TMEM132C: variants seen among roughly 807,000 people sequenced by gnomAD.
TMEM132C encodes the protein protein phosphatase 1, regulatory subunit 152.
TMEM132C carries 29 observed loss-of-function variants against 61.4 expected under a neutral mutation model. The observed-to-expected ratio is 0.47, with a 90% CI of 0.35 to 0.64. TMEM132C has a LOEUF of 0.64. Ranked by LOEUF, TMEM132C falls within the 30% of genes least tolerant of loss-of-function variation. TMEM132C has a pLI of 0.00. For synonymous variants in TMEM132C, 656 were observed against 633.1 expected, an observed-to-expected ratio of 1.04 and a Z score of -0.54; for missense variants, 1,408 against 1,476.9, an observed-to-expected ratio of 0.95 and a Z score of 0.76.
At chr12:128,618,949 A>G (rs1876901020) in intron 4 of TMEM132C, among the ~76,000 whole-genome samples, 1 of 152,218 alleles carries the variant, frequency 6.6e-6, no homozygotes, top group African/African-American at 2.4e-5. Context: ...AGATGAGGCA[A>G]TTTAGAGGGA....
intron 5 of TMEM132C, among the ~76,000 whole-genome samples, chr12:128,688,804 A>T (rs182814916): frequency 6.6e-6 from 1 of 152,264 alleles, no homozygotes; most frequent in Non-Finnish European, 1.5e-5. Flanking sequence ...AACTGTTTTA[A>T]AAAAATTGGG....
chr12:128,284,152 C>T (rs1004638480), intron 1 of TMEM132C, among the ~76,000 whole-genome samples: 8 of 152,286 alleles, frequency 5.3e-5, no homozygotes, highest in African/African-American at 1.9e-4. Context: ...ACTGACCAGC[C>T]ATTCCTAGGA....
chr12:128,659,910 A>G (rs1954368232), intron 4 of TMEM132C, among the ~76,000 whole-genome samples: 2 of 152,202 alleles, frequency 1.3e-5, no homozygotes, highest in African/African-American at 4.8e-5. Flanking sequence ...TGTCTTGTGC[A>G]AAGAGTAAGA....
intron 1 of TMEM132C, among the ~76,000 whole-genome samples, chr12:128,367,948 G>T (rs1268743693): frequency 6.6e-6 from 1 of 152,170 alleles, no homozygotes; most frequent in African/African-American, 2.4e-5. Flanking sequence ...AGTGGCGGCT[G>T]GTCTAGACCG....
intron 2 of TMEM132C, among the ~76,000 whole-genome samples, chr12:128,452,614 G>A (rs1870214586): frequency 6.6e-6 from 1 of 151,522 alleles, no homozygotes; most frequent in Non-Finnish European, 1.5e-5. Context: ...TGAGGTAGGA[G>A]AATCGCTTGA....
At chr12:128,495,614 G>A (rs1871920237) in intron 2 of TMEM132C, among the ~76,000 whole-genome samples, 1 of 152,010 alleles carries the variant, frequency 6.6e-6, no homozygotes, top group African/African-American at 2.4e-5. Context: ...TTTGATCTTT[G>A]TTGGTTTAAA....
At chr12:128,410,449 C>T (rs1182738550) in intron 1 of TMEM132C, among the ~76,000 whole-genome samples, 7 of 152,154 alleles carry the variant, frequency 4.6e-5, no homozygotes, top group Non-Finnish European at 5.9e-5. Flanking sequence ...TGTCTCCAGG[C>T]TAGAGTGCAG....
chr12:128,398,815 G>GTCCTCCTCCCGTCTTT (rs200124123), intron 1 of TMEM132C, among the ~76,000 whole-genome samples: 11,799 of 152,178 alleles, frequency 0.078, 1,590 homozygotes, highest in African/African-American at 0.27. Flanking sequence ...TTTTACTGTT[G>GTCCTCCTCCCGTCTTT]TCCTCCTCCT....
intron 2 of TMEM132C, among the ~76,000 whole-genome samples, chr12:128,429,751 G>A (rs1869321937): frequency 6.6e-6 from 1 of 152,150 alleles, no homozygotes; most frequent in African/African-American, 2.4e-5. Flanking sequence ...CAAAGATGGG[G>A]CTTACCTTGG....
At chr12:128,353,343 C>T (rs1226712764) in intron 1 of TMEM132C, among the ~76,000 whole-genome samples, 1 of 152,136 alleles carries the variant, frequency 6.6e-6, no homozygotes, top group Non-Finnish European at 1.5e-5. Context: ...TTCCTGCCAT[C>T]TAGGTTTGCA....
At chr12:128,666,025 G>GCA (rs61212712) in intron 4 of TMEM132C, among the ~76,000 whole-genome samples, 1 of 87,684 alleles carries the variant, frequency 1.1e-5, no homozygotes, top group Admixed American at 1.2e-4. Context: ...ATTCACAGGC[G>GCA]CACATTCACA....
At chr12:128,440,773 G>A (rs1453904932) in intron 2 of TMEM132C, among the ~76,000 whole-genome samples, 1 of 152,170 alleles carries the variant, frequency 6.6e-6, no homozygotes, top group East Asian at 1.9e-4. Context: ...GAACAGCCAG[G>A]CACGTTGGCT....
chr12:128,635,335 GA>G (rs1278747356), intron 4 of TMEM132C, among the ~76,000 whole-genome samples: 7 of 152,266 alleles, frequency 4.6e-5, no homozygotes, highest in African/African-American at 1.7e-4. Context: ...AAGTAAAAAT[GA>G]AAAGGAATTG....
At chr12:128,270,058 C>T (rs1320380677) in intron 1 of TMEM132C, among the ~76,000 whole-genome samples, 1 of 152,024 alleles carries the variant, frequency 6.6e-6, no homozygotes, top group African/African-American at 2.4e-5. Flanking sequence ...AGACTTGGGC[C>T]GAGGCAGGAG....
intron 4 of TMEM132C, among the ~76,000 whole-genome samples, chr12:128,648,955 G>A (rs898471801): frequency 1.3e-5 from 2 of 150,816 alleles, no homozygotes; most frequent in African/African-American, 5.0e-5. Flanking sequence ...GAGTCCATCA[G>A]CGTAGGATGT....
chr12:128,415,659 C>G lies in TMEM132C; in HGVS notation c.974+39C>G. 1 of 1,477,548 alleles carries G rather than the reference C, an allele frequency of 6.8e-7. No homozygotes were observed. The highest frequency in any genetic ancestry group is 9.0e-7 in the Non-Finnish European group (1 of 1,107,436). The allele number at this position is 1,477,548 out of a possible 1,614,324, so 91.5% of individuals were successfully genotyped here. ...CTTGCCCCTGATCATCTTTGGCATGCCTGGTGTGAGACTGGGTTCCATGCG... is the reference window on the plus strand; with the variant it reads ...CTTGCCCCTGATCATCTTTGGCATGGCTGGTGTGAGACTGGGTTCCATGCG... On this transcript the variant is annotated intron_variant, in intron 2 of 8. Transcript: ENST00000435159. This position sits in a 1 kb window ranked among gnomAD's most constrained non-coding sequence, Gnocchi z 5.8.
chr12:128,411,882 C>T (rs1868562851), intron 1 of TMEM132C, among the ~76,000 whole-genome samples: 1 of 152,188 alleles, frequency 6.6e-6, no homozygotes, highest in South Asian at 2.1e-4. Context: ...GCCCATGTCC[C>T]TTTCTATATT....
At chr12:128,671,780 C>T (rs749750584) in intron 5 of TMEM132C, among the ~76,000 whole-genome samples, 7 of 152,118 alleles carry the variant, frequency 4.6e-5, no homozygotes, top group Admixed American at 2.0e-4. Context: ...TATACTATGA[C>T]GATTCTTCTG....
intron 5 of TMEM132C, among the ~76,000 whole-genome samples, chr12:128,688,441 GA>G (rs145007261): frequency 0.018 from 2,728 of 152,104 alleles, 28 homozygotes; most frequent in Non-Finnish European, 0.028. Context: ...GGCAAAGACG[GA>G]AAAAATGAGA....
Sources: allele counts gnomAD v4.1 joint callset (sites outside exome capture counted in the v4.1 genomes callset), GRCh38; gene constraint gnomAD v4.1.1; non-coding constraint Gnocchi (gnomAD v3.1); transcripts MANE v1.5; gene names NCBI Gene and HGNC (gene_info 2026-07-23, HGNC 2026-07-21).